The following LY96 variants were observed in gnomAD, a reference collection of about 807,000 sequenced individuals.
LY96 encodes lymphocyte antigen 96.
In LY96, 18 loss-of-function variants were observed where a neutral mutation model predicts 18.9. The observed-to-expected ratio is 0.95, with a 90% CI of 0.66 to 1.41. LY96 has a LOEUF of 1.41. Among genes scored for constraint, LY96 ranks in the 40% most tolerant of loss-of-function variants. The probability of loss-of-function intolerance (pLI) is 0.00; values close to 1 mark genes in which losing one functional copy is unlikely to be tolerated. For missense variants in LY96, 175 were observed against 182.4 expected (o/e 0.96, Z 0.23); for synonymous variants, 66 against 62.6 (o/e 1.06, Z -0.26).
At chr8:74,067,039 C>T in the LY96 span, among the ~76,000 whole-genome samples, 3 of 152,114 alleles carry the variant, frequency 2.0e-5, no homozygotes, top group Non-Finnish European at 4.4e-5. Context: ...CTTGTGCATC[C>T]GGCTAGCCGT....
At chr8:74,062,612 A>G in the LY96 span, among the ~76,000 whole-genome samples, 1 of 152,076 alleles carries the variant, frequency 6.6e-6, no homozygotes, top group African/African-American at 2.4e-5. Context: ...TCCATGGTGT[A>G]TATGTACCAC....
chr8:74,013,702 G>A (rs1200635879), intron 3 of LY96, among the ~76,000 whole-genome samples: 1 of 152,152 alleles, frequency 6.6e-6, no homozygotes, highest in East Asian at 1.9e-4. Flanking sequence ...GAGGGTGAGG[G>A]GGAAAAACAT....
chr8:74,088,128 T>TGG, the LY96 span, among the ~76,000 whole-genome samples: 30 of 151,812 alleles, frequency 2.0e-4, no homozygotes, highest in African/African-American at 7.0e-4. Flanking sequence ...TAGAATAGAA[T>TGG]AGAATAGAAT....
intron 3 of LY96, among the ~76,000 whole-genome samples, chr8:74,012,564 G>T (rs1475266655): frequency 6.6e-6 from 1 of 151,966 alleles, no homozygotes; most frequent in Admixed American, 6.6e-5. Flanking sequence ...TTAGTTAATG[G>T]GTATATGTTA....
chr8:74,086,048 C>T, the LY96 span, among the ~76,000 whole-genome samples: 23 of 152,186 alleles, frequency 1.5e-4, no homozygotes, highest in Non-Finnish European at 2.1e-4. Flanking sequence ...CAACCACCCC[C>T]CTCCCAGCCC....
At chr8:74,037,227 T>C in the LY96 span, among the ~76,000 whole-genome samples, 1 of 152,196 alleles carries the variant, frequency 6.6e-6, no homozygotes, top group Non-Finnish European at 1.5e-5. Flanking sequence ...TCTCACTAGA[T>C]GTAAACGAGG....
the LY96 span, among the ~76,000 whole-genome samples, chr8:74,053,597 T>C: frequency 1.3e-5 from 2 of 152,232 alleles, no homozygotes; most frequent in African/African-American, 4.8e-5. Context: ...CATTACTCTC[T>C]ATCTTTACTC....
At chr8:74,096,855 C>T in the LY96 span, among the ~76,000 whole-genome samples, 9 of 152,060 alleles carry the variant, frequency 5.9e-5, no homozygotes, top group Non-Finnish European at 1.2e-4. Flanking sequence ...AGCCTTTGAT[C>T]GGGGGAGACC....
At chr8:74,066,595 G>T in the LY96 span, among the ~76,000 whole-genome samples, 1 of 152,156 alleles carries the variant, frequency 6.6e-6, no homozygotes, top group Non-Finnish European at 1.5e-5. Context: ...AATAGGTAGA[G>T]TCTAGGCTTT....
intron 1 of LY96, among the ~76,000 whole-genome samples, chr8:73,997,626 C>T (rs1028547499): frequency 6.6e-6 from 1 of 152,152 alleles, no homozygotes; most frequent in African/African-American, 2.4e-5. Flanking sequence ...GGGGGTCCTT[C>T]CCACAAGTTT....
chr8:74,076,974 G>A, the LY96 span, among the ~76,000 whole-genome samples: 1 of 152,164 alleles, frequency 6.6e-6, no homozygotes, highest in South Asian at 2.1e-4. Context: ...CTTTAAATTG[G>A]GGGTTCCCAT....
At chr8:74,068,179 C>T in the LY96 span, among the ~76,000 whole-genome samples, 6,966 of 150,634 alleles carry the variant, frequency 0.046, 410 homozygotes, top group African/African-American at 0.13. Flanking sequence ...AAGAATCCAG[C>T]AGTCTGTCTT....
chr8:74,001,349 G>A (rs920699249), intron 1 of LY96, among the ~76,000 whole-genome samples: 7 of 151,258 alleles, frequency 4.6e-5, no homozygotes, highest in African/African-American at 1.2e-4. Flanking sequence ...TCAGCCTCCC[G>A]AATAGCTGAG....
the LY96 span, among the ~76,000 whole-genome samples, chr8:74,081,007 TTTC>T: frequency 1.6e-5 from 2 of 128,028 alleles, no homozygotes; most frequent in Non-Finnish European, 3.1e-5. Context: ...TCTTTCTTTC[TTTC>T]TTTCTTTCTT....
At chr8:74,071,834 T>A in the LY96 span, among the ~76,000 whole-genome samples, 1 of 152,232 alleles carries the variant, frequency 6.6e-6, no homozygotes. Context: ...TGATTCACAT[T>A]GTGTGTAGTG....
At chr8:74,066,548 G>C in the LY96 span, among the ~76,000 whole-genome samples, 1 of 152,118 alleles carries the variant, frequency 6.6e-6, no homozygotes, top group African/African-American at 2.4e-5. Context: ...TGTGGGGGAT[G>C]GGTGTGGAGA....
the LY96 span, among the ~76,000 whole-genome samples, chr8:74,040,866 C>G: frequency 4.6e-5 from 7 of 152,028 alleles, no homozygotes; most frequent in African/African-American, 1.7e-4. Flanking sequence ...CCACACCGGG[C>G]TAATTTTTTG....
the LY96 span, among the ~76,000 whole-genome samples, chr8:74,075,787 T>C: frequency 6.6e-6 from 1 of 152,198 alleles, no homozygotes; most frequent in Non-Finnish European, 1.5e-5. Flanking sequence ...AAAATCATGT[T>C]TTAAATATAA....
the LY96 span, among the ~76,000 whole-genome samples, chr8:74,084,904 C>T: frequency 0.051 from 7,835 of 152,252 alleles, 259 homozygotes; most frequent in African/African-American, 0.1. Flanking sequence ...CGTGAGCCAC[C>T]GCACCCAGCC....
Sources: allele counts gnomAD v4.1 joint callset (sites outside exome capture counted in the v4.1 genomes callset), GRCh38; gene constraint gnomAD v4.1.1; transcripts MANE v1.5; gene names NCBI Gene and HGNC (gene_info 2026-07-23, HGNC 2026-07-21).